The following MITF variants were observed in gnomAD, a reference collection of about 807,000 sequenced individuals.
The protein encoded by MITF is microphthalmia-associated transcription factor.
Under a neutral mutation model 60.5 loss-of-function variants are expected in MITF, and 17 were observed. That is an observed-to-expected ratio of 0.28 (90% CI 0.19 to 0.42). The LOEUF is 0.42. Ranked by LOEUF, MITF falls within the 10% of genes least tolerant of loss-of-function variation. The probability of loss-of-function intolerance (pLI) is 1.00; values close to 1 mark genes in which losing one functional copy is unlikely to be tolerated. For missense variants in MITF, 622 were observed against 683.5 expected (o/e 0.91, Z 1.00); for synonymous variants, 260 against 248.5 (o/e 1.05, Z -0.43).
chr3:69,926,441 A>T (rs1042640044), intron 2 of MITF, among the ~76,000 whole-genome samples: 2 of 152,202 alleles, frequency 1.3e-5, no homozygotes, highest in Non-Finnish European at 2.9e-5. Flanking sequence ...TTCATCTCTG[A>T]CAAACTTGAC....
intron 1 of MITF, among the ~76,000 whole-genome samples, chr3:69,847,423 ACCTAGTGGT>A (rs2063751208): frequency 6.6e-6 from 1 of 152,208 alleles, no homozygotes; most frequent in African/African-American, 2.4e-5. Flanking sequence ...TGAAGGCCAG[ACCTAGTGGT>A]AATGTCTTAT....
chr3:69,867,614 A>T (rs914186051), intron 1 of MITF, among the ~76,000 whole-genome samples: 1 of 152,118 alleles, frequency 6.6e-6, no homozygotes, highest in African/African-American at 2.4e-5. Context: ...AAATGTTATA[A>T]ATTTTTGCCT....
intron 1 of MITF, among the ~76,000 whole-genome samples, chr3:69,870,198 G>A (rs1372337216): frequency 1.4e-5 from 2 of 146,678 alleles, no homozygotes; most frequent in Non-Finnish European, 3.0e-5. Context: ...ATCACAAAAA[G>A]GAATTCTTAA....
chr3:69,772,398 T>C (rs1223742589), intron 1 of MITF, among the ~76,000 whole-genome samples: 1 of 152,160 alleles, frequency 6.6e-6, no homozygotes, highest in Non-Finnish European at 1.5e-5. Context: ...TGCCAGAAAG[T>C]TTTTGGAGTC....
chr3:69,887,179 A>T (rs986449440), intron 2 of MITF, among the ~76,000 whole-genome samples: 2 of 152,098 alleles, frequency 1.3e-5, no homozygotes, highest in African/African-American at 4.8e-5. Flanking sequence ...CTATATTGAA[A>T]AAGTCATGAG....
chr3:69,772,590 AG>A (rs2062410151), intron 1 of MITF, among the ~76,000 whole-genome samples: 1 of 152,186 alleles, frequency 6.6e-6, no homozygotes, highest in African/African-American at 2.4e-5. Flanking sequence ...CAGCCTTAAA[AG>A]GGATTGCTTT....
chr3:69,741,831 T>C (rs774071794), intron 1 of MITF, among the ~76,000 whole-genome samples: 4 of 152,258 alleles, frequency 2.6e-5, no homozygotes, highest in African/African-American at 4.8e-5. Flanking sequence ...ACATCTGTTG[T>C]GTGACTTAAA....
intron 2 of MITF, among the ~76,000 whole-genome samples, chr3:69,931,769 C>G (rs577456705): frequency 6.6e-6 from 1 of 152,272 alleles, no homozygotes; most frequent in South Asian, 2.1e-4. Flanking sequence ...GAATACACCC[C>G]TGGATTTACA....
intron 1 of MITF, among the ~76,000 whole-genome samples, chr3:69,805,957 G>A (rs1575741805): frequency 6.6e-6 from 1 of 152,146 alleles, no homozygotes; most frequent in East Asian, 1.9e-4. Flanking sequence ...CACCATGCAT[G>A]GCCAAAAATG....
intron 1 of MITF, among the ~76,000 whole-genome samples, chr3:69,766,098 T>A (rs917547481): frequency 6.6e-6 from 1 of 152,242 alleles, no homozygotes; most frequent in Non-Finnish European, 1.5e-5. Context: ...AGTTTAATAG[T>A]TGAACAAGGT....
intron 1 of MITF, among the ~76,000 whole-genome samples, chr3:69,843,415 C>T (rs2063674741): frequency 6.6e-6 from 1 of 152,128 alleles, no homozygotes; most frequent in Non-Finnish European, 1.5e-5. Flanking sequence ...TTTGATATCC[C>T]TGAAAATTTG....
At position 69,939,147 on chromosome 3, in the gene MITF, G is replaced by T; in HGVS notation, c.632G>T (p.Gly211Val). ...EQNRAESECP[G>V]MNTHSRASCM... Reference sequence around the variant, plus strand: ...AACAGGGCAGAGAGCGAGTGCCCAGGCATGAACACACATTCACGAGCGTCC... The same window carrying T: ...AACAGGGCAGAGAGCGAGTGCCCAGTCATGAACACACATTCACGAGCGTCC... Residue 211 changes from glycine to valine, a missense_variant, in exon 4 of 10, where the codon GGC (glycine) becomes GTC (valine). Physicochemically the swap from Gly to Val is moderately radical, Grantham distance 109 (BLOSUM62 -3). Transcript: ENST00000352241. The T allele has an allele frequency of 6.2e-7, 1 of 1,614,088 alleles. No homozygotes were observed. Among genetic ancestry groups the T allele is most frequent in the Non-Finnish European group, 8.5e-7 (1 of 1,179,998 alleles).
chr3:69,768,930 G>A (rs549742008), intron 1 of MITF, among the ~76,000 whole-genome samples: 1 of 152,314 alleles, frequency 6.6e-6, no homozygotes, highest in East Asian at 1.9e-4. Context: ...GGGAGGGCAT[G>A]TGTCCCATTT....
chr3:69,895,848 G>GTGT (rs60449544), intron 2 of MITF, among the ~76,000 whole-genome samples: 31 of 139,704 alleles, frequency 2.2e-4, no homozygotes, highest in Non-Finnish European at 4.7e-4. Flanking sequence ...GTGTGTGTGT[G>GTGT]TATGTGTGTG....
chr3:69,755,229 T>C (rs1176793647), intron 1 of MITF, among the ~76,000 whole-genome samples: 3 of 152,196 alleles, frequency 2.0e-5, no homozygotes, highest in Admixed American at 1.3e-4. Context: ...GGTTACACAA[T>C]ACCAAGGCTG....
At position 69,965,471 on chromosome 3, in the gene MITF, G is replaced by A. The variant is rs1220136759; in HGVS notation, c.*223G>A. Reference sequence around the variant, plus strand: ...TGCCTCCAAAGTATTGTACAAATAAGTGTGCAGTATCTGTGAACTGAATTC... The same window carrying A: ...TGCCTCCAAAGTATTGTACAAATAAATGTGCAGTATCTGTGAACTGAATTC... On this transcript the variant is annotated 3_prime_UTR_variant, in exon 10 of 10. Coordinates refer to ENST00000352241, the MANE Select transcript of MITF (RefSeq NM_001354604.2). The A allele has an allele frequency of 1.0e-5, 5 of 499,506 alleles. No individual in the cohort carries two copies. The highest frequency in any genetic ancestry group is 9.6e-5 in the African/African-American group (5 of 52,356). 30.9% of individuals were successfully genotyped at this position (499,506 alleles called of 1,614,324 possible).
At chr3:69,961,041 A>G (rs191724661) in intron 9 of MITF, among the ~76,000 whole-genome samples, 4 of 152,296 alleles carry the variant, frequency 2.6e-5, no homozygotes, top group African/African-American at 4.8e-5. Context: ...TGTCTCTTCA[A>G]TAAGTAGCTA....
At chr3:69,755,433 GTTTTTTTTTTTTTTTTTTTTTTT>G (rs542141862) in intron 1 of MITF, among the ~76,000 whole-genome samples, 11 of 35,396 alleles carry the variant, frequency 3.1e-4, no homozygotes, top group South Asian at 2.7e-3. Context: ...ACCCTTCTGG[GTTTTTTTTTTTTTTTTTTTTTTT>G]TTTTTTTTTT....
chr3:69,816,263 G>A (rs2063180159), intron 1 of MITF, among the ~76,000 whole-genome samples: 1 of 152,066 alleles, frequency 6.6e-6, no homozygotes, highest in African/African-American at 2.4e-5. Flanking sequence ...GCATATTCCA[G>A]CCATCTCATT....
Sources: gnomAD v4.1 joint callset for allele counts (sites outside exome capture counted in the v4.1 genomes callset) on GRCh38, gnomAD v4.1.1 for gene constraint, MANE v1.5 for transcripts, NCBI Gene and HGNC (gene_info 2026-07-23, HGNC 2026-07-21) for gene names.